KIFAP3: variants seen among roughly 807,000 people sequenced by gnomAD.
KIFAP3 encodes kinesin-associated protein 3.
A neutral mutation model predicts 106.5 loss-of-function variants in KIFAP3; 68 were observed. The ratio of observed to expected loss-of-function variants is 0.64; its 90% CI spans 0.53 to 0.78. The LOEUF (loss-of-function observed/expected upper bound fraction) is 0.78. Ranked by LOEUF, KIFAP3 falls within the 30% of genes least tolerant of loss-of-function variation. The pLI, the probability that KIFAP3 is intolerant of heterozygous loss-of-function variation, is 0.00. For missense variants in KIFAP3, 780 were observed against 941.8 expected, an observed-to-expected ratio of 0.83 and a Z score of 2.25; for synonymous variants, 320 against 311.5, an observed-to-expected ratio of 1.03 and a Z score of -0.29.
intron 19 of KIFAP3, among the ~76,000 whole-genome samples, chr1:169,942,916 C>CA (rs1664216636): frequency 9.7e-6 from 1 of 103,164 alleles, no homozygotes; most frequent in East Asian, 3.6e-4. Context: ...AGACGCCCCC[C>CA]CCCACCCCTT....
At chr1:170,013,279 A>G (rs1205827394) in intron 10 of KIFAP3, among the ~76,000 whole-genome samples, 1 of 151,950 alleles carries the variant, frequency 6.6e-6, no homozygotes, top group Non-Finnish European at 1.5e-5. Flanking sequence ...ATGATTAAAC[A>G]CCCTTAATAA....
chr1:170,041,691 G>A (rs1392016899), intron 3 of KIFAP3: 2 of 1,535,014 alleles, frequency 1.3e-6, no homozygotes, highest in Non-Finnish European at 1.7e-6. Flanking sequence ...ACATAAGCTT[G>A]CTTGGAGTAC....
intron 15 of KIFAP3, 44 bp downstream of exon 15, chr1:169,981,928 A>T: frequency 6.9e-7 from 1 of 1,448,940 alleles, no homozygotes; most frequent in Non-Finnish European, 9.5e-7. Flanking sequence ...TTAAATCAAT[A>T]AGCTGTTTAG....
At chr1:169,925,827 A>G (rs1228271718) in intron 19 of KIFAP3, among the ~76,000 whole-genome samples, 1 of 152,188 alleles carries the variant, frequency 6.6e-6, no homozygotes, top group Non-Finnish European at 1.5e-5. Context: ...GTATTTGTAA[A>G]GCACTTTGAA....
intron 2 of KIFAP3, among the ~76,000 whole-genome samples, chr1:170,047,514 G>A (rs926058573): frequency 3.3e-5 from 5 of 151,280 alleles, no homozygotes; most frequent in African/African-American, 4.9e-5. Context: ...CCAGCTACTC[G>A]GGAGGTTGAG....
chr1:170,029,438 G>T (rs1036703700), intron 8 of KIFAP3, among the ~76,000 whole-genome samples: 1 of 151,938 alleles, frequency 6.6e-6, no homozygotes, highest in Non-Finnish European at 1.5e-5. Context: ...AGAGAAACTG[G>T]AAAGTATTTA....
chr1:169,945,181 G>A (rs1465736252), intron 19 of KIFAP3, among the ~76,000 whole-genome samples: 1 of 152,122 alleles, frequency 6.6e-6, no homozygotes, highest in Admixed American at 6.5e-5. Context: ...CGCCCCAAGT[G>A]CAGGCACACC....
chr1:170,041,735 G>C, intron 3 of KIFAP3: 5 of 1,535,170 alleles, frequency 3.3e-6, no homozygotes, highest in Non-Finnish European at 4.4e-6. Context: ...GACTTCTCCG[G>C]TAAGTGTTGC....
intron 10 of KIFAP3, among the ~76,000 whole-genome samples, chr1:170,009,060 G>A (rs1269640200): frequency 2.0e-5 from 3 of 152,066 alleles, no homozygotes; most frequent in Non-Finnish European, 4.4e-5. Context: ...TAAGTGGGAG[G>A]TGAACACTGA....
chr1:169,961,094 T>G lies in KIFAP3; in HGVS notation c.2125A>C (p.Ile709Leu). The change falls in exon 18 of 20, where the codon ATT (isoleucine) becomes CTT (leucine). Residue 709 changes from isoleucine to leucine, a missense_variant. Transcript: ENST00000361580. ...LYGDDRIEPY[I>L]HEGDILERPD... ...CTTTCGAGAATATCTCCTTCATGAA[T>G]GTATGGCTCAATTCGATCATCACCA... 1 of 1,613,552 alleles carries G rather than the reference T, an allele frequency of 6.2e-7. No homozygotes were observed. The highest frequency in any genetic ancestry group is 8.5e-7 in the Non-Finnish European group (1 of 1,179,654).
At chr1:170,039,432 T>C (rs1669864555) in intron 3 of KIFAP3, 144 bp from the exon 4 acceptor site, 2 of 538,200 alleles carry the variant, frequency 3.7e-6, no homozygotes, top group Admixed American at 6.0e-5. Flanking sequence ...TCTCAATGCA[T>C]AAAAATGTTC....
At chr1:170,074,367 A>C (rs1174053606) in intron 1 of KIFAP3, 69 bp downstream of exon 1, 20 of 1,572,386 alleles carry the variant, frequency 1.3e-5, no homozygotes, top group Non-Finnish European at 1.7e-5. Flanking sequence ...GTGACATCTC[A>C]CAGCCAACCC....
chr1:169,986,134 C>A lies in KIFAP3; in HGVS notation c.1285-1444G>T, dbSNP rs993370788. 3.3e-5 allele frequency among the ~76,000 whole-genome samples: 5 copies of A among 151,708 alleles called. No individual in the cohort carries two copies. In the East Asian group the frequency reaches 9.7e-4, roughly 29 times the overall value. On this transcript the variant is annotated intron_variant, in intron 11 of 19. Coordinates refer to ENST00000361580, the MANE Select transcript of KIFAP3 (RefSeq NM_014970.4). Reference sequence around the variant, plus strand: ...TCATGCCTTCATGAATCCAACACAGCGAATAATAAATATTTATTTATTTTA... The same window carrying A: ...TCATGCCTTCATGAATCCAACACAGAGAATAATAAATATTTATTTATTTTA...
intron 10 of KIFAP3, among the ~76,000 whole-genome samples, chr1:170,007,064 T>A (rs1485385837): frequency 6.6e-6 from 1 of 151,926 alleles, no homozygotes; most frequent in East Asian, 1.9e-4. Flanking sequence ...ATGGAAAAAG[T>A]TAAAGAAGGA....
At chr1:170,061,798 T>C (rs1028999622) in intron 1 of KIFAP3, among the ~76,000 whole-genome samples, 10 of 151,946 alleles carry the variant, frequency 6.6e-5, no homozygotes, top group African/African-American at 2.4e-4. Context: ...ATTAAGAAAA[T>C]GTGGCACATA....
In KIFAP3 at chr1:169,928,419, G is replaced by GT. The variant is rs1026168122; in HGVS notation, c.2274-6639dup. On this transcript the variant is annotated intron_variant, in intron 19 of 19. Transcript: ENST00000361580. ...GGACCATCTTTTCTCTTTTAAAATAGTTTTTTTAGGCCAGATGCTGTTGCT... is the reference window on the plus strand; with the variant it reads ...GGACCATCTTTTCTCTTTTAAAATAGTTTTTTTTAGGCCAGATGCTGTTGCT... Among the ~76,000 whole-genome samples the GT allele has an allele frequency of 2.0e-5, 3 of 151,978 alleles. No individual in the cohort carries two copies. In the East Asian group the frequency reaches 5.8e-4, roughly 29 times the overall value.
intron 17 of KIFAP3, among the ~76,000 whole-genome samples, chr1:169,967,954 C>G (rs779168901): frequency 2.6e-5 from 4 of 151,816 alleles, no homozygotes; most frequent in Non-Finnish European, 5.9e-5. Context: ...ACAGCTGAAT[C>G]ACAGCTAAGG....
intron 1 of KIFAP3, among the ~76,000 whole-genome samples, chr1:170,072,512 G>A (rs1391721295): frequency 2.0e-5 from 3 of 152,068 alleles, no homozygotes; most frequent in African/African-American, 4.8e-5. Context: ...AGGAATTAGC[G>A]GGGCAAAGAA....
rs573754326 is a variant in KIFAP3, at chr1:169,982,834, T to C, written c.1540A>G (p.Asn514Asp). The C allele has an allele frequency of 1.8e-5, 29 of 1,602,686 alleles. 1 individual carries two copies. In the South Asian group the frequency reaches 3.1e-4, roughly 17 times the overall value. ...YVGDLAAQISNDEEEEFVIEC... is the reference protein window; with the variant it reads ...YVGDLAAQISDDEEEEFVIEC... ...ATCACAAACTCCTCTTCTTCATCAT[T>C]AGAGATCTGGGCTGCAAGGTCCCCA... The change falls in exon 14 of 20, where the codon AAT (asparagine) becomes GAT (aspartate). Residue 514 changes from asparagine to aspartate, a missense_variant. Asn to Asp is a conservative substitution (Grantham distance 23). Around this residue, in one of 3 missense-constraint regions of KIFAP3, gnomAD observed 588 missense variants for 678.9 expected, o/e 0.87. Transcript: ENST00000361580.
Sources: allele counts gnomAD v4.1 joint callset (sites outside exome capture counted in the v4.1 genomes callset), GRCh38; gene constraint gnomAD v4.1.1; regional missense constraint gnomAD v4.1.1; transcripts MANE v1.5; gene names NCBI Gene and HGNC (gene_info 2026-07-23, HGNC 2026-07-21).